The following NOX1 variants were observed in gnomAD, a reference collection of about 807,000 sequenced individuals.
NOX1 encodes the protein NADPH oxidase 1.
NOX1 carries 34 observed loss-of-function variants against 42.5 expected under a neutral mutation model. That is an observed-to-expected ratio of 0.80 (90% CI 0.61 to 1.07). The LOEUF (loss-of-function observed/expected upper bound fraction) is 1.07, where lower values mean the gene tolerates loss of function less well. Ranked by LOEUF, NOX1 falls within the 50% of genes least tolerant of loss-of-function variation. The pLI is 0.00. For missense variants in NOX1, 408 were observed against 427.0 expected (o/e 0.96, Z 0.39); for synonymous variants, 143 against 152.5 (o/e 0.94, Z 0.46).
At chrX:100,854,634 G>C (rs1460939803) in intron 7 of NOX1, among the ~76,000 whole-genome samples, 1 of 111,753 alleles carries the variant, frequency 8.9e-6, no homozygotes, top group Non-Finnish European at 1.9e-5. Context: ...TGATACACAA[G>C]CTTCATTCCC....
intron 12 of NOX1, among the ~76,000 whole-genome samples, chrX:100,847,776 A>AC (rs1444279013): frequency 1.8e-5 from 2 of 108,847 alleles, no homozygotes; most frequent in African/African-American, 6.7e-5. Flanking sequence ...CAAAAAAAAA[A>AC]AAAAAAAAAG....
intron 2 of NOX1, among the ~76,000 whole-genome samples, chrX:100,866,928 C>T (rs1186390664): frequency 1.8e-5 from 2 of 111,624 alleles, no homozygotes; most frequent in East Asian, 2.8e-4. Flanking sequence ...CTGTAATACC[C>T]GGCCTTTGGG....
intron 2 of NOX1, among the ~76,000 whole-genome samples, chrX:100,868,713 T>C (rs1017097833): frequency 6.3e-5 from 7 of 111,441 alleles, no homozygotes; most frequent in Admixed American, 9.6e-5. Context: ...TTTTTTACTT[T>C]CCTTTTTTTT....
intron 7 of NOX1, among the ~76,000 whole-genome samples, chrX:100,859,056 T>C (rs1228776385): frequency 1.8e-5 from 2 of 111,892 alleles, no homozygotes; most frequent in Non-Finnish European, 3.8e-5. Context: ...CAGTATGATG[T>C]TGGCTGTGGG....
chrX:100,869,478 A>T (rs1276375720), intron 2 of NOX1, among the ~76,000 whole-genome samples: 1 of 109,273 alleles, frequency 9.2e-6, no homozygotes, highest in Non-Finnish European at 1.9e-5. Context: ...TTGTTGGTGT[A>T]TAAGAATGCT....
In NOX1 at chrX:100,850,278, C is replaced by G. The variant is rs201130779; in HGVS notation, c.1006G>C (p.Glu336Gln). The G allele has an allele frequency of 1.1e-4, 138 of 1,208,475 alleles. No homozygotes were observed. Among genetic ancestry groups the G allele is most frequent in the Non-Finnish European group, 1.0e-4 (92 of 893,910 alleles). Residue 336 changes from glutamate (E) to glutamine (Q), a missense_variant, in exon 9 of 13, where the codon GAA becomes CAA. By Grantham distance (29) the Glu-to-Gln change is conservative (BLOSUM62 2). Transcript: ENST00000372966. ...GAGGTCAAAGTAAAAGGATGCCATT[C>G]CAGGAGAGAGATTGAGGGGCAATTA... is the stretch of plus-strand genomic sequence containing the variant. ...FVNCPSISLL[E>Q]WHPFTLTSAP...
At chrX:100,853,495 G>T (rs2085145252) in intron 7 of NOX1, among the ~76,000 whole-genome samples, 1 of 92,883 alleles carries the variant, frequency 1.1e-5, no homozygotes, top group Non-Finnish European at 2.3e-5. Context: ...CCGCCTCCCG[G>T]GTTCAAGCAA....
rs1464080722 is a variant in NOX1, at chrX:100,848,722, G to A, written c.1476C>T (p.Ala492=). The change falls in exon 12 of 13, where the codon GCC becomes GCT. Residue 492 remains alanine, a synonymous_variant. Transcript: ENST00000372966. ...VGHAALNFDK[A]TDIVTGLKQK... The stretch of plus-strand genomic sequence containing the variant: ...GTTTCAGACCTGTCACGATGTCAGT[G>A]GCCTTGTCAAAGTTTAATGCTGCAT... 8.3e-7 allele frequency: 1 copy of A among 1,209,816 alleles called. No individual in the cohort carries two copies. Among genetic ancestry groups the A allele is most frequent in the Admixed American group, 2.2e-5 (1 of 45,845 alleles).
chrX:100,862,925 T>C, intron 4 of NOX1, 105 bp from the exon 5 acceptor site: 1 of 801,080 alleles, frequency 1.2e-6, no homozygotes, highest in Non-Finnish European at 1.8e-6. Flanking sequence ...CTTAGCAGAA[T>C]GCTGAGTGCA....
chrX:100,853,235 TTC>T (rs1463347598), intron 7 of NOX1, among the ~76,000 whole-genome samples: 5 of 72,821 alleles, frequency 6.9e-5, no homozygotes, highest in Non-Finnish European at 9.9e-5. Flanking sequence ...TTCTTTCTTT[TTC>T]TTTCTTTCCT....
At chrX:100,846,790 C>T (rs1427271901) in intron 12 of NOX1, among the ~76,000 whole-genome samples, 1 of 112,789 alleles carries the variant, frequency 8.9e-6, no homozygotes, top group Non-Finnish European at 1.9e-5. Flanking sequence ...AACAACCCTG[C>T]AAGTGAGTAG....
intron 7 of NOX1, chrX:100,856,223 C>T (rs1178094593): frequency 3.7e-5 from 37 of 991,062 alleles, no homozygotes; most frequent in Non-Finnish European, 4.0e-5. Context: ...GCCCCTGGAG[C>T]GCTTGGTGTT....
intron 2 of NOX1, among the ~76,000 whole-genome samples, chrX:100,866,221 C>CAAA (rs34462542): frequency 8.2e-5 from 6 of 72,744 alleles, no homozygotes; most frequent in African/African-American, 1.0e-4. Context: ...GACTCCATCT[C>CAAA]AAAAAAAAAA....
intron 7 of NOX1, 55 bp downstream of exon 7, chrX:100,862,116 A>T: frequency 8.8e-7 from 1 of 1,139,492 alleles, no homozygotes. Flanking sequence ...AATAATAAGA[A>T]TAATAACAGT....
At chrX:100,848,360 A>T (rs2085088071) in intron 12 of NOX1, among the ~76,000 whole-genome samples, 1 of 109,775 alleles carries the variant, frequency 9.1e-6, no homozygotes, top group African/African-American at 3.3e-5. Flanking sequence ...GCGCTATCTC[A>T]GCTCATTGCA....
intron 7 of NOX1, 104 bp from the exon 8 acceptor site, chrX:100,851,429 GT>G (rs113192475): frequency 1.8e-5 from 7 of 383,086 alleles, no homozygotes; most frequent in African/African-American, 1.6e-4. Context: ...TCTCCAATGT[GT>G]ATCATTTTTA....
chrX:100,848,753 A>G lies in NOX1; in HGVS notation c.1445T>C (p.Val482Ala), dbSNP rs2085091788. 3 of 1,208,657 alleles carry G rather than the reference A, an allele frequency of 2.5e-6. No homozygotes were observed. The highest frequency in any genetic ancestry group is 3.4e-6 in the Non-Finnish European group (3 of 894,152). ...GTCAAAGTTTAATGCTGCATGACCAACCTGGATTCAGAGGAATAAAAGTTA... is the reference window on the plus strand; with the variant it reads ...GTCAAAGTTTAATGCTGCATGACCAGCCTGGATTCAGAGGAATAAAAGTTA... ...LFLTGWDSNI[V>A]GHAALNFDKA... Residue 482 changes from valine (V) to alanine (A), a missense_variant and splice_region_variant, in exon 12 of 13, where the codon GTT becomes GCT. Transcript: ENST00000372966.
chrX:100,848,178 C>T (rs929525924), intron 12 of NOX1, among the ~76,000 whole-genome samples: 6 of 111,847 alleles, frequency 5.4e-5, no homozygotes, highest in African/African-American at 2.0e-4. Flanking sequence ...GAAATTTCCT[C>T]GGTCTTCACC....
At chrX:100,846,545 C>A (rs963988945) in intron 12 of NOX1, among the ~76,000 whole-genome samples, 4 of 111,142 alleles carry the variant, frequency 3.6e-5, no homozygotes, top group Admixed American at 2.9e-4. Context: ...CTGTGTACTC[C>A]TATTTCTTCC....
Sources: allele counts gnomAD v4.1 joint callset (sites outside exome capture counted in the v4.1 genomes callset), GRCh38; gene constraint gnomAD v4.1.1; transcripts MANE v1.5; gene names NCBI Gene and HGNC (gene_info 2026-07-23, HGNC 2026-07-21).